Variants in LRRIQ3 observed in about 807,000 individuals in gnomAD.
LRRIQ3 encodes the protein leucine rich repeats and IQ motif containing 3.
Under a neutral mutation model 59.3 loss-of-function variants are expected in LRRIQ3, and 75 were observed. The observed-to-expected ratio is 1.26, with a 90% CI of 1.05 to 1.53. The LOEUF is 1.53. Among genes scored for constraint, LRRIQ3 ranks in the 40% most tolerant of loss-of-function variants. LRRIQ3 has a pLI of 0.00. For missense variants in LRRIQ3, 831 were observed against 710.0 expected (o/e 1.17, Z -1.94); for synonymous variants, 250 against 231.3 (o/e 1.08, Z -0.73).
At chr1:74,172,853 CCTA>C (rs1211758714) in intron 3 of LRRIQ3, among the ~76,000 whole-genome samples, 2 of 151,992 alleles carry the variant, frequency 1.3e-5, no homozygotes, top group African/African-American at 4.8e-5. Context: ...TTAATTAAAG[CCTA>C]CTTTTTTAAT....
chr1:74,089,683 G>A (rs1646374595), intron 5 of LRRIQ3, among the ~76,000 whole-genome samples: 1 of 152,034 alleles, frequency 6.6e-6, no homozygotes, highest in Admixed American at 6.6e-5. Flanking sequence ...CCCAGGGGCT[G>A]TAGAGAGAAT....
intron 5 of LRRIQ3, chr1:74,108,924 C>A: frequency 2.5e-6 from 1 of 407,788 alleles, no homozygotes; most frequent in Non-Finnish European, 4.8e-6. Flanking sequence ...ATACCACTTG[C>A]AAAATGTCTA....
At chr1:74,099,916 A>C (rs1185720961) in intron 5 of LRRIQ3, among the ~76,000 whole-genome samples, 1 of 152,170 alleles carries the variant, frequency 6.6e-6, no homozygotes, top group Non-Finnish European at 1.5e-5. Context: ...TCAAAATAAT[A>C]AGGGCTATCT....
chr1:74,105,003 A>G (rs1160805370), intron 5 of LRRIQ3, among the ~76,000 whole-genome samples: 1 of 152,084 alleles, frequency 6.6e-6, no homozygotes, highest in East Asian at 1.9e-4. Flanking sequence ...ATGATGTGGC[A>G]TAAAATATAA....
At chr1:74,063,508 G>A (rs1439722415) in intron 6 of LRRIQ3, among the ~76,000 whole-genome samples, 1 of 151,920 alleles carries the variant, frequency 6.6e-6, no homozygotes, top group Admixed American at 6.6e-5. Context: ...TCTTATTGTT[G>A]CATTGTCTAT....
At chr1:74,063,587 T>G (rs1654789118) in intron 6 of LRRIQ3, among the ~76,000 whole-genome samples, 1 of 152,082 alleles carries the variant, frequency 6.6e-6, no homozygotes, top group Non-Finnish European at 1.5e-5. Flanking sequence ...GTGCATATAT[T>G]TTTATATTTG....
At chr1:74,079,690 T>A (rs1646251715) in intron 5 of LRRIQ3, among the ~76,000 whole-genome samples, 2 of 151,780 alleles carry the variant, frequency 1.3e-5, no homozygotes, top group Admixed American at 6.6e-5. Context: ...ACTCAATAAA[T>A]ACTCAATAAT....
intron 4 of LRRIQ3, among the ~76,000 whole-genome samples, chr1:74,120,110 AT>A (rs1646831396): frequency 6.6e-6 from 1 of 150,402 alleles, no homozygotes; most frequent in Non-Finnish European, 1.5e-5. Context: ...TAGGATATTT[AT>A]TTTTTGTATG....
intron 5 of LRRIQ3, chr1:74,084,029 G>C (rs1646300744): frequency 6.7e-6 from 4 of 600,762 alleles, no homozygotes; most frequent in Non-Finnish European, 1.1e-5. Flanking sequence ...GAATTACTAA[G>C]TGTATTTCTC....
At chr1:74,104,381 A>G (rs114132309) in intron 5 of LRRIQ3, among the ~76,000 whole-genome samples, 2,210 of 152,140 alleles carry the variant, frequency 0.015, 55 homozygotes, top group African/African-American at 0.051. Flanking sequence ...AAAAACTTGC[A>G]TACAATATTT....
intron 7 of LRRIQ3, among the ~76,000 whole-genome samples, chr1:74,030,816 G>T (rs1212825272): frequency 6.6e-6 from 1 of 152,140 alleles, no homozygotes; most frequent in African/African-American, 2.4e-5. Flanking sequence ...CCATCAGAAT[G>T]AACAGACAAC....
At chr1:74,131,876 A>C (rs1261858649) in intron 4 of LRRIQ3, among the ~76,000 whole-genome samples, 1 of 152,138 alleles carries the variant, frequency 6.6e-6, no homozygotes. Context: ...GTTCTGGCCA[A>C]AGCAATCGGG....
intron 3 of LRRIQ3, chr1:74,180,016 T>C (rs939095495): frequency 1.3e-5 from 2 of 151,930 alleles, no homozygotes; most frequent in Admixed American, 1.3e-4. Context: ...AAATCTTTCA[T>C]AAATTCTATT....
intron 6 of LRRIQ3, among the ~76,000 whole-genome samples, chr1:74,065,893 C>T (rs1654851330): frequency 6.6e-6 from 1 of 151,916 alleles, no homozygotes; most frequent in Non-Finnish European, 1.5e-5. Flanking sequence ...TATTCAACTA[C>T]ATAAAAACTG....
chr1:74,120,992 A>T (rs1203957433), intron 4 of LRRIQ3, among the ~76,000 whole-genome samples: 1 of 152,142 alleles, frequency 6.6e-6, no homozygotes, highest in Non-Finnish European at 1.5e-5. Flanking sequence ...GCTGGGCAGT[A>T]ACATTTTTAT....
intron 4 of LRRIQ3, among the ~76,000 whole-genome samples, chr1:74,132,129 T>C (rs916636304): frequency 3.3e-5 from 5 of 151,850 alleles, no homozygotes; most frequent in African/African-American, 1.2e-4. Context: ...CACAACTGCA[T>C]CAAAGAGAAT....
chr1:74,096,091 T>G (rs530700217), intron 5 of LRRIQ3, among the ~76,000 whole-genome samples: 33 of 152,128 alleles, frequency 2.2e-4, no homozygotes, highest in Middle Eastern at 3.4e-3. Context: ...AGAACTATAT[T>G]TCAAAAAAAA....
intron 4 of LRRIQ3, among the ~76,000 whole-genome samples, chr1:74,139,057 T>C (rs1049475805): frequency 7.1e-6 from 1 of 140,360 alleles, no homozygotes; most frequent in Admixed American, 7.0e-5. Flanking sequence ...TATTTATGTG[T>C]ATATATATAT....
intron 3 of LRRIQ3, among the ~76,000 whole-genome samples, chr1:74,169,612 C>A (rs1649200018): frequency 6.6e-6 from 1 of 151,918 alleles, no homozygotes; most frequent in Non-Finnish European, 1.5e-5. Context: ...GTGCCACTGG[C>A]AAAATTGTAG....
Sources: gnomAD v4.1 joint callset for allele counts (sites outside exome capture counted in the v4.1 genomes callset) on GRCh38, gnomAD v4.1.1 for gene constraint, MANE v1.5 for transcripts, NCBI Gene and HGNC (gene_info 2026-07-23, HGNC 2026-07-21) for gene names.